WNT7B: variants seen among roughly 807,000 people sequenced by gnomAD.
WNT7B encodes the protein protein Wnt-7b.
Under a neutral mutation model 38.2 loss-of-function variants are expected in WNT7B, and 19 were observed. The observed-to-expected ratio is 0.50, with a 90% CI of 0.35 to 0.73. The LOEUF is 0.73. WNT7B is among the 30% of genes least tolerant of loss of function. WNT7B has a pLI of 0.01. For missense variants in WNT7B, 423 were observed against 507.9 expected (o/e 0.83, Z 1.61); for synonymous variants, 243 against 209.3 (o/e 1.16, Z -1.39).
At chr22:45,963,852 A>G (rs954920151) in intron 1 of WNT7B, among the ~76,000 whole-genome samples, 3 of 152,302 alleles carry the variant, frequency 2.0e-5, no homozygotes, top group African/African-American at 7.2e-5. Context: ...GACTCCCGCA[A>G]CAGAGGGAGG....
chr22:45,959,611 C>T (rs1569122932), intron 1 of WNT7B, among the ~76,000 whole-genome samples: 1 of 152,132 alleles, frequency 6.6e-6, no homozygotes, highest in Non-Finnish European at 1.5e-5. Flanking sequence ...AAAAACCGAC[C>T]CCACAAACCA....
At chr22:45,926,186 G>T in intron 3 of WNT7B, 1 of 985,472 alleles carries the variant, frequency 1.0e-6, no homozygotes, top group South Asian at 4.7e-5. Flanking sequence ...TGATCACAGG[G>T]TTCAAGAATG....
intron 1 of WNT7B, among the ~76,000 whole-genome samples, chr22:45,962,524 C>T (rs1038515617): frequency 2.6e-5 from 4 of 152,206 alleles, no homozygotes; most frequent in Non-Finnish European, 4.4e-5. Flanking sequence ...CCTCCTCCTC[C>T]AAGAAGTCCA....
intron 1 of WNT7B, among the ~76,000 whole-genome samples, chr22:45,961,062 C>T (rs746819965): frequency 1.3e-5 from 2 of 152,250 alleles, no homozygotes; most frequent in Non-Finnish European, 2.9e-5. Flanking sequence ...TCCACCTGCA[C>T]CTGCCCCATA....
rs1220714721 is a variant in WNT7B at position 45,951,198 on chromosome 22, C to T, written c.72-1052G>A. 6.6e-6 allele frequency among the ~76,000 whole-genome samples: 1 copy of T among 152,198 alleles called. No individual in the cohort carries two copies. Among genetic ancestry groups the T allele is most frequent in the Non-Finnish European group, 1.5e-5 (1 of 68,044 alleles). On this transcript the variant is annotated intron_variant, in intron 1 of 3. Coordinates refer to ENST00000339464, the MANE Select transcript of WNT7B (RefSeq NM_058238.3). This position sits in a 1 kb window ranked among gnomAD's most constrained non-coding sequence, Gnocchi z 4.8. ...GTTCAAGCCATCCTTTTGCCTTAGC[C>T]TCCCGAGTAGCTGTACTACAGTTGC...
chr22:45,925,576 G>A (rs1055340519), intron 3 of WNT7B: 1 of 985,078 alleles, frequency 1.0e-6, no homozygotes, highest in Non-Finnish European at 1.2e-6. Flanking sequence ...CCTGCCTCCT[G>A]TCCCTCTCCC....
chr22:45,934,206 C>T (rs997965496), intron 2 of WNT7B, among the ~76,000 whole-genome samples: 6 of 152,178 alleles, frequency 3.9e-5, no homozygotes, highest in African/African-American at 9.7e-5. Flanking sequence ...GGAAGGCTGA[C>T]GGAGGAGCAA....
At chr22:45,931,916 ACCCAGGCAG>A in intron 2 of WNT7B, among the ~76,000 whole-genome samples, 1 of 152,118 alleles carries the variant, frequency 6.6e-6, no homozygotes, top group South Asian at 2.1e-4. Context: ...CCAGCCAGGA[ACCCAGGCAG>A]AAGTCACACA....
intron 1 of WNT7B, among the ~76,000 whole-genome samples, chr22:45,960,778 C>T (rs1387590335): frequency 6.6e-6 from 1 of 152,240 alleles, no homozygotes; most frequent in African/African-American, 2.4e-5. Flanking sequence ...ACCTGGCCTC[C>T]GTACCCACCC....
rs997636641 is a variant in WNT7B, at chr22:45,949,985, C to T, written c.233G>A (p.Arg78His). ...MGINECQYQF[R>H]FGRWNCSALG... ...GGCAGAGCAGTTCCAGCGTCCGAAG[C>T]GGAACTGGTACTGGCACTCGTTGAT... Residue 78 changes from arginine to histidine, a missense_variant, in exon 2 of 4, where the codon CGC becomes CAC. Arg to His is a conservative substitution (Grantham distance 29). Transcript: ENST00000339464. 3.7e-6 allele frequency: 6 copies of T among 1,613,898 alleles called. No homozygotes were observed. The highest frequency in any genetic ancestry group is 3.3e-5 in the Admixed American group (2 of 60,034).
chr22:45,936,120 G>A (rs1296229921), intron 2 of WNT7B: 3 of 985,452 alleles, frequency 3.0e-6, no homozygotes, highest in Non-Finnish European at 3.6e-6. Context: ...GGGTTTCTGA[G>A]TAATGGTCCT....
chr22:45,931,526 G>A (rs918215647), intron 2 of WNT7B, among the ~76,000 whole-genome samples, 157 bp from the exon 3 acceptor site: 1 of 152,202 alleles, frequency 6.6e-6, no homozygotes, highest in African/African-American at 2.4e-5. Flanking sequence ...CACCAAAGCG[G>A]GGCTGATGGG....
At chr22:45,934,883 A>G (rs1931473959) in intron 2 of WNT7B, among the ~76,000 whole-genome samples, 1 of 152,240 alleles carries the variant, frequency 6.6e-6, no homozygotes, top group Non-Finnish European at 1.5e-5. Context: ...CACAATCAGT[A>G]AGAACGACCT....
chr22:45,958,358 C>G (rs968409247), intron 1 of WNT7B, among the ~76,000 whole-genome samples: 2 of 152,190 alleles, frequency 1.3e-5, no homozygotes, highest in African/African-American at 4.8e-5. Flanking sequence ...CAGCATCTCA[C>G]CTGTGACCAG....
Position 45,951,487 on chromosome 22 carries a change from T to C in WNT7B, c.72-1341A>G, listed in dbSNP as rs1012853985. Among the ~76,000 whole-genome samples the C allele has an allele frequency of 1.3e-5, 2 of 152,156 alleles. No individual in the cohort carries two copies. The highest frequency in any genetic ancestry group is 1.3e-4 in the Admixed American group (2 of 15,276). ...CGGTGTTGTGCAACCTCCAGCACCG[T>C]CAGGTTCCCAGATATTTCTGCCACC... On this transcript the variant is annotated intron_variant, in intron 1 of 3. Transcript: ENST00000339464. The surrounding 1 kb of genome is among the most constrained non-coding windows in gnomAD (Gnocchi z 4.8).
chr22:45,929,153 C>T (rs2146708846), intron 3 of WNT7B, among the ~76,000 whole-genome samples: 1 of 152,280 alleles, frequency 6.6e-6, no homozygotes, highest in South Asian at 2.1e-4. Flanking sequence ...AGGGCTCAGC[C>T]TTGCCTTCTC....
rs548819171 is a variant in WNT7B at position 45,966,579 on chromosome 22, G to A, written c.71+10105C>T. Among the ~76,000 whole-genome samples, 70 of 152,318 alleles carry A rather than the reference G, an allele frequency of 4.6e-4. No homozygotes were observed. The highest frequency in any genetic ancestry group is 1.6e-3 in the African/African-American group (67 of 41,566). On this transcript the variant is annotated intron_variant, in intron 1 of 3. Coordinates refer to ENST00000339464, the MANE Select transcript of WNT7B (RefSeq NM_058238.3). The surrounding 1 kb of genome is among the most constrained non-coding windows in gnomAD (Gnocchi z 4.2). ...GCTGCTGACACCCGGCAAGCTGCTC[G>A]TCGGGTGCGGTGGCTTCCTCCCAGG...
At chr22:45,950,439 G>A (rs1931905367) in intron 1 of WNT7B, among the ~76,000 whole-genome samples, 1 of 152,250 alleles carries the variant, frequency 6.6e-6, no homozygotes, top group Non-Finnish European at 1.5e-5. Flanking sequence ...CAGCTCTCCA[G>A]GCCACTGAGT....
At position 45,975,618 on chromosome 22, in the gene WNT7B, C is replaced by T. The variant is rs1932534153; in HGVS notation, c.71+1066G>A. The T allele has an allele frequency of 1.1e-5, 8 of 715,270 alleles. No individual in the cohort carries two copies. The highest frequency in any genetic ancestry group is 1.8e-5 in the Non-Finnish European group (7 of 383,904). 44.3% of individuals were successfully genotyped at this position (715,270 alleles called of 1,614,324 possible). On this transcript the variant is annotated intron_variant, in intron 1 of 3. Transcript: ENST00000339464. The surrounding 1 kb of genome is among the most constrained non-coding windows in gnomAD (Gnocchi z 6.6). ...TTCCCAGCGCCTGCTTCCACCTCTC[C>T]GCCTGGGAAGCCGCGTCTCCCACCA... is the stretch of plus-strand genomic sequence containing the variant.
Sources: allele counts gnomAD v4.1 joint callset (sites outside exome capture counted in the v4.1 genomes callset), GRCh38; gene constraint gnomAD v4.1.1; non-coding constraint Gnocchi (gnomAD v3.1); transcripts MANE v1.5; gene names NCBI Gene and HGNC (gene_info 2026-07-23, HGNC 2026-07-21).